CBLN2: variants seen among roughly 807,000 people sequenced by gnomAD.
CBLN2 encodes cerebellin-2.
Under a neutral mutation model 15.0 loss-of-function variants are expected in CBLN2, and 7 were observed. The ratio of observed to expected loss-of-function variants is 0.47; its 90% CI spans 0.27 to 0.88. The LOEUF (loss-of-function observed/expected upper bound fraction) is 0.88. Among genes scored for constraint, CBLN2 ranks in the 40% least tolerant of loss-of-function variants. CBLN2 has a pLI of 0.14. For missense variants in CBLN2, 242 were observed against 304.5 expected (o/e 0.79, Z 1.53); for synonymous variants, 149 against 135.2 (o/e 1.10, Z -0.71).
chr18:72,602,368 C>T (rs79114124), intron 1 of CBLN2, among the ~76,000 whole-genome samples: 1,784 of 152,298 alleles, frequency 0.012, 39 homozygotes, highest in African/African-American at 0.04. Flanking sequence ...GCTGTCACTA[C>T]GCTTCTGGTA....
At chr18:72,625,814 C>CTATATATATATA (rs1250960600) in intron 1 of CBLN2, among the ~76,000 whole-genome samples, 16 of 66,588 alleles carry the variant, frequency 2.4e-4, no homozygotes, top group South Asian at 1.3e-3. Context: ...CTCTCTCTCT[C>CTATATATATATA]TCTCTATATA....
At chr18:72,589,706 G>A (rs2069466892) in intron 1 of CBLN2, among the ~76,000 whole-genome samples, 1 of 152,198 alleles carries the variant, frequency 6.6e-6, no homozygotes, top group Admixed American at 6.5e-5. Context: ...GTAGAGACAA[G>A]ACATAATCCA....
At chr18:72,625,014 C>T (rs1215242310) in intron 1 of CBLN2, 1 of 152,066 alleles carries the variant, frequency 6.6e-6, no homozygotes, top group African/African-American at 2.4e-5. Context: ...GTTTTCCCAA[C>T]TTTAGAATTA....
intron 1 of CBLN2, among the ~76,000 whole-genome samples, chr18:72,565,498 A>C (rs577152553): frequency 6.6e-6 from 1 of 152,170 alleles, no homozygotes; most frequent in African/African-American, 2.4e-5. Context: ...TAAATAAATG[A>C]AAATTATAAA....
intron 1 of CBLN2, among the ~76,000 whole-genome samples, chr18:72,579,556 C>A (rs946921888): frequency 3.3e-5 from 5 of 151,960 alleles, no homozygotes; most frequent in East Asian, 1.9e-4. Context: ...CATGGTGAAA[C>A]CCCCATCTCT....
intron 1 of CBLN2, among the ~76,000 whole-genome samples, chr18:72,619,935 G>A (rs1005637902): frequency 1.3e-5 from 2 of 152,224 alleles, no homozygotes; most frequent in African/African-American, 4.8e-5. Flanking sequence ...ACTGAAGTGA[G>A]CACTTTTAGG....
chr18:72,581,949 G>A (rs1238663537), intron 1 of CBLN2, among the ~76,000 whole-genome samples: 1 of 152,142 alleles, frequency 6.6e-6, no homozygotes, highest in African/African-American at 2.4e-5. Context: ...AACATTCAAA[G>A]TTTTGGGGTT....
At chr18:72,573,039 C>T (rs1378561390) in intron 1 of CBLN2, among the ~76,000 whole-genome samples, 1 of 152,038 alleles carries the variant, frequency 6.6e-6, no homozygotes, top group East Asian at 1.9e-4. Context: ...TGTTTTGTGG[C>T]TTTGTGATTT....
At chr18:72,621,252 T>G (rs2069698802) in intron 1 of CBLN2, among the ~76,000 whole-genome samples, 1 of 152,182 alleles carries the variant, frequency 6.6e-6, no homozygotes, top group Non-Finnish European at 1.5e-5. Flanking sequence ...ATCAGTGGTT[T>G]TGGACTAAGA....
chr18:72,555,132 CTT>C (rs2069216905), intron 1 of CBLN2, among the ~76,000 whole-genome samples: 2 of 148,104 alleles, frequency 1.4e-5, no homozygotes, highest in Non-Finnish European at 3.0e-5. Flanking sequence ...GAGATTCTGT[CTT>C]TAAAAAAAGA....
chr18:72,581,270 G>A (rs2069402027), intron 1 of CBLN2, among the ~76,000 whole-genome samples: 1 of 152,090 alleles, frequency 6.6e-6, no homozygotes, highest in Non-Finnish European at 1.5e-5. Context: ...AAATTGCTTA[G>A]TCATATGACA....
chr18:72,636,410 T>C lies in CBLN2; in HGVS notation c.15+1915A>G, dbSNP rs144101738. ...AATTAATGATTAAGTGCCAAACAGA[T>C]GATTCTGTTCTTTATGGCAGAGTGG... On this transcript the variant is annotated intron_variant, in intron 1 of 2. Coordinates refer to the CBLN2 transcript ENST00000581073. 7.4e-3 allele frequency among the ~76,000 whole-genome samples: 1,133 copies of C among 152,308 alleles called. 5 individuals carry two copies. The highest frequency in any genetic ancestry group is 0.011 in the Non-Finnish European group (776 of 68,024).
Position 72,552,362 on chromosome 18 carries a change from G to A in CBLN2, c.16-13590C>T, listed in dbSNP as rs558492726. 3.9e-5 allele frequency among the ~76,000 whole-genome samples: 6 copies of A among 152,078 alleles called. No individual in the cohort carries two copies. The East Asian group carries it at 1.2e-3, about 29-fold the overall frequency. On this transcript the variant is annotated intron_variant, in intron 1 of 2. Coordinates refer to the CBLN2 transcript ENST00000581073. ...ACCTCCCAAAATGCCAGGATTACAGGCATAAGCCACTGAGCCCGGCCAAAA... is the reference window on the plus strand; with the variant it reads ...ACCTCCCAAAATGCCAGGATTACAGACATAAGCCACTGAGCCCGGCCAAAA...
At chr18:72,615,283 T>TA (rs74184951) in intron 1 of CBLN2, among the ~76,000 whole-genome samples, 76,564 of 111,758 alleles carry the variant, frequency 0.69, 24,762 homozygotes, top group Non-Finnish European at 0.79. Flanking sequence ...TATATATATA[T>TA]TTTTTTTTTG....
intron 1 of CBLN2, among the ~76,000 whole-genome samples, chr18:72,583,631 A>G (rs541091593): frequency 1.3e-5 from 2 of 152,340 alleles, no homozygotes; most frequent in East Asian, 3.9e-4. Flanking sequence ...AAATATATAT[A>G]CCAGAAGCTT....
At chr18:72,615,260 T>C (rs1490622709) in intron 1 of CBLN2, among the ~76,000 whole-genome samples, 4 of 120,494 alleles carry the variant, frequency 3.3e-5, no homozygotes, top group Non-Finnish European at 5.0e-5. Flanking sequence ...TATTTATATA[T>C]GTATATATTA....
intron 1 of CBLN2, among the ~76,000 whole-genome samples, chr18:72,590,707 A>G (rs1331905081): frequency 6.6e-6 from 1 of 152,180 alleles, no homozygotes; most frequent in Admixed American, 6.5e-5. Context: ...TGCACATTTT[A>G]TTTTCAGGTC....
At chr18:72,586,811 A>C (rs561890810) in intron 1 of CBLN2, among the ~76,000 whole-genome samples, 3 of 152,248 alleles carry the variant, frequency 2.0e-5, no homozygotes, top group Admixed American at 2.0e-4. Flanking sequence ...AAAATAAGTG[A>C]AATAGGCCTT....
intron 1 of CBLN2, among the ~76,000 whole-genome samples, chr18:72,580,338 G>C (rs1322233084): frequency 6.6e-6 from 1 of 152,070 alleles, no homozygotes; most frequent in East Asian, 1.9e-4. Context: ...AAACTATTCA[G>C]CTATTGACTT....
Sources: allele counts gnomAD v4.1 joint callset (sites outside exome capture counted in the v4.1 genomes callset), GRCh38; gene constraint gnomAD v4.1.1; transcripts MANE v1.5; gene names NCBI Gene and HGNC (gene_info 2026-07-23, HGNC 2026-07-21).